The following CNTN5 variants were observed in gnomAD, a reference collection of about 807,000 sequenced individuals.
CNTN5 encodes the protein contactin 5.
A neutral mutation model predicts 129.1 loss-of-function variants in CNTN5; 77 were observed. That is an observed-to-expected ratio of 0.60 (90% CI 0.50 to 0.72). The LOEUF (loss-of-function observed/expected upper bound fraction) is 0.72. Among genes scored for constraint, CNTN5 ranks in the 30% least tolerant of loss-of-function variants. The pLI, the probability that CNTN5 is intolerant of heterozygous loss-of-function variation, is 0.00. For missense variants in CNTN5, 1,478 were observed against 1,328.8 expected (o/e 1.11, Z -1.75); for synonymous variants, 509 against 465.6 (o/e 1.09, Z -1.20).
chr11:99,823,025 C>T (rs1188438226), intron 4 of CNTN5, among the ~76,000 whole-genome samples: 1 of 152,192 alleles, frequency 6.6e-6, no homozygotes, highest in African/African-American at 2.4e-5. Flanking sequence ...GGACTCAGTT[C>T]AACACCCCTA....
At chr11:99,753,006 CA>C in intron 3 of CNTN5, among the ~76,000 whole-genome samples, 1 of 149,446 alleles carries the variant, frequency 6.7e-6, no homozygotes, top group Non-Finnish European at 1.5e-5. Flanking sequence ...TAGGAAGGCA[CA>C]AACTATAAAA....
intron 2 of CNTN5, among the ~76,000 whole-genome samples, chr11:99,377,215 A>G (rs75448669): frequency 1.6e-3 from 247 of 152,226 alleles, no homozygotes; most frequent in African/African-American, 5.7e-3. Context: ...AAAAAGCAGT[A>G]GTCTCTCATA....
intron 3 of CNTN5, among the ~76,000 whole-genome samples, chr11:99,638,413 C>G (rs533322908): frequency 5.9e-5 from 9 of 152,136 alleles, no homozygotes; most frequent in African/African-American, 2.2e-4. Flanking sequence ...CATGTCCTTG[C>G]GTTTCAAAAC....
intron 1 of CNTN5, among the ~76,000 whole-genome samples, chr11:99,161,447 G>A (rs908355198): frequency 2.0e-5 from 3 of 151,908 alleles, no homozygotes; most frequent in South Asian, 2.1e-4. Context: ...GGAGATAAAA[G>A]CAGAAGTCAC....
intron 13 of CNTN5, among the ~76,000 whole-genome samples, chr11:100,107,217 G>A (rs1025487191): frequency 6.2e-4 from 95 of 152,162 alleles, no homozygotes; most frequent in African/African-American, 2.2e-3. Context: ...CAGTAAATTA[G>A]AGTTTTATTT....
intron 1 of CNTN5, among the ~76,000 whole-genome samples, chr11:99,117,053 G>C (rs1428476932): frequency 6.6e-6 from 1 of 151,934 alleles, no homozygotes; most frequent in African/African-American, 2.4e-5. Context: ...AGTAAAAGAG[G>C]TGAGAGGAAA....
At chr11:100,319,465 T>C (rs1244301743) in intron 21 of CNTN5, among the ~76,000 whole-genome samples, 1 of 152,204 alleles carries the variant, frequency 6.6e-6, no homozygotes, top group East Asian at 1.9e-4. Flanking sequence ...CTTCCCTTTT[T>C]TCTGACAGAT....
At chr11:99,972,084 T>TAAA (rs1491480540) in intron 8 of CNTN5, among the ~76,000 whole-genome samples, 1 of 37,770 alleles carries the variant, frequency 2.6e-5, no homozygotes, top group African/African-American at 1.4e-4. Flanking sequence ...CTTATCTCTA[T>TAAA]TAAAAAAAAA....
At chr11:99,562,924 T>C (rs1029636433) in intron 3 of CNTN5, among the ~76,000 whole-genome samples, 1 of 152,164 alleles carries the variant, frequency 6.6e-6, no homozygotes, top group African/African-American at 2.4e-5. Flanking sequence ...ATGACCGAGC[T>C]AAAAGTAAAT....
At chr11:99,482,685 A>G (rs1945646831) in intron 2 of CNTN5, among the ~76,000 whole-genome samples, 1 of 152,166 alleles carries the variant, frequency 6.6e-6, no homozygotes, top group African/African-American at 2.4e-5. Flanking sequence ...AACTATAAAA[A>G]TCCTAGAAGA....
At chr11:99,107,694 G>A (rs1302155809) in intron 1 of CNTN5, among the ~76,000 whole-genome samples, 2 of 152,008 alleles carry the variant, frequency 1.3e-5, no homozygotes, top group African/African-American at 4.8e-5. Context: ...CACTCTGGGA[G>A]GCTGAGGCGG....
intron 2 of CNTN5, among the ~76,000 whole-genome samples, chr11:99,498,627 A>G (rs541790728): frequency 6.6e-6 from 1 of 152,244 alleles, no homozygotes; most frequent in South Asian, 2.1e-4. Flanking sequence ...GTTTCCTGCC[A>G]ATGATATACA....
intron 3 of CNTN5, among the ~76,000 whole-genome samples, chr11:99,755,443 ATTG>A (rs1944375784): frequency 6.6e-6 from 1 of 152,066 alleles, no homozygotes; most frequent in African/African-American, 2.4e-5. Context: ...GTTGCGTCCC[ATTG>A]TTGTTTTACT....
chr11:99,201,367 CTTCCTTCCTTCCTTCT>C (rs1296698477), intron 1 of CNTN5, among the ~76,000 whole-genome samples: 1 of 146,958 alleles, frequency 6.8e-6, no homozygotes, highest in Non-Finnish European at 1.5e-5. Context: ...TCCTTCCTTC[CTTCCTTCCTTCCTTCT>C]TTCCTTCCTT....
At chr11:99,272,969 AG>A (rs1441913275) in intron 1 of CNTN5, among the ~76,000 whole-genome samples, 1 of 151,890 alleles carries the variant, frequency 6.6e-6, no homozygotes, top group Non-Finnish European at 1.5e-5. Flanking sequence ...GAGAGAGTGA[AG>A]TATAAGTTAC....
intron 1 of CNTN5, among the ~76,000 whole-genome samples, chr11:99,290,236 G>A (rs1024874131): frequency 6.6e-6 from 1 of 151,804 alleles, no homozygotes; most frequent in African/African-American, 2.4e-5. Flanking sequence ...TTGTTTAAAA[G>A]TAGAAGATAT....
chr11:99,475,565 C>T lies in CNTN5; in HGVS notation c.-70-80580C>T, dbSNP rs564337254. ...TTTGTCCTCTTTCTAAAATTATTTC[C>T]TTCTCTTATCTTATTCTCTGATTTA... On this transcript the variant is annotated intron_variant, in intron 2 of 24. Coordinates refer to ENST00000524871, the MANE Select transcript of CNTN5 (RefSeq NM_014361.4). Among the ~76,000 whole-genome samples, 13 of 151,996 alleles carry T rather than the reference C, an allele frequency of 8.6e-5. No individual in the cohort carries two copies. The South Asian group carries it at 2.7e-3, about 32-fold the overall frequency.
chr11:100,110,133 G>A (rs1229074790), intron 13 of CNTN5, among the ~76,000 whole-genome samples: 1 of 150,948 alleles, frequency 6.6e-6, no homozygotes, highest in Non-Finnish European at 1.5e-5. Flanking sequence ...GTTGCAGTGA[G>A]CAGAGATGGC....
At chr11:99,543,169 C>G (rs1948170506) in intron 2 of CNTN5, among the ~76,000 whole-genome samples, 1 of 152,256 alleles carries the variant, frequency 6.6e-6, no homozygotes, top group East Asian at 1.9e-4. Context: ...CTCAGTTTGA[C>G]TCTACAGAAT....
Sources: gnomAD v4.1 joint callset for allele counts (sites outside exome capture counted in the v4.1 genomes callset) on GRCh38, gnomAD v4.1.1 for gene constraint, MANE v1.5 for transcripts, NCBI Gene and HGNC (gene_info 2026-07-23, HGNC 2026-07-21) for gene names.